ADAP2: variants seen among roughly 807,000 people sequenced by gnomAD.
ADAP2 encodes the protein arf-GAP with dual PH domain-containing protein 2.
Under a neutral mutation model 54.9 loss-of-function variants are expected in ADAP2, and 42 were observed. That is an observed-to-expected ratio of 0.77 (90% CI 0.60 to 0.99). The LOEUF (loss-of-function observed/expected upper bound fraction) is 0.99, where lower values mean the gene tolerates loss of function less well. ADAP2 is among the 50% of genes least tolerant of loss of function. ADAP2 has a pLI of 0.00. For missense variants in ADAP2, 429 were observed against 480.4 expected (o/e 0.89, Z 1.00); for synonymous variants, 177 against 180.1 (o/e 0.98, Z 0.14).
intron 6 of ADAP2, 50 bp downstream of exon 6, chr17:30,945,103 T>A: frequency 6.3e-7 from 1 of 1,598,794 alleles, no homozygotes; most frequent in Non-Finnish European, 8.5e-7. Context: ...ACCCCAGGAC[T>A]TGGCAGGTGC....
rs531253338 is a variant in ADAP2 at position 30,926,979 on chromosome 17, C to T, written c.317+61C>T. The T allele has an allele frequency of 7.2e-4, 951 of 1,322,078 alleles. 18 individuals carry two copies. In the South Asian group the frequency reaches 0.011, roughly 15 times the overall value. The allele number at this position is 1,322,078 out of a possible 1,614,324, so 81.9% of individuals were successfully genotyped here. ...TCTGTCCTGGTTCCACCTCCTCCCC[C>T]TCTCCATCTTTGGTGTCTTCATCTG... On this transcript the variant is annotated intron_variant, in intron 3 of 10. Coordinates refer to ENST00000330889, the MANE Select transcript of ADAP2 (RefSeq NM_018404.3).
rs536132952 is a variant in ADAP2 at position 30,955,688 on chromosome 17, G to A, written c.883-553G>A. Among the ~76,000 whole-genome samples, 14 of 148,798 alleles carry A rather than the reference G, an allele frequency of 9.4e-5. No homozygotes were observed. In the South Asian group the frequency reaches 3.0e-3, roughly 32 times the overall value. On this transcript the variant is annotated intron_variant, in intron 9 of 10. Coordinates refer to ENST00000330889, the MANE Select transcript of ADAP2 (RefSeq NM_018404.3). ...TTGCACTCCAGCCTGGGTGCAGAGT[G>A]AGACTCCGTCTCAAAAAAAAAAAAA...
intron 9 of ADAP2, among the ~76,000 whole-genome samples, chr17:30,955,261 C>T (rs999242216): frequency 6.6e-6 from 1 of 151,592 alleles, no homozygotes; most frequent in Non-Finnish European, 1.5e-5. Context: ...AGGCATGCAT[C>T]ACCATGCCCA....
intron 5 of ADAP2, among the ~76,000 whole-genome samples, chr17:30,943,163 C>T (rs1406339269): frequency 6.6e-6 from 1 of 152,044 alleles, no homozygotes. Flanking sequence ...GTCGGGAGTT[C>T]GAGATCAGCC....
chr17:30,949,310 C>T lies in ADAP2; in HGVS notation c.681C>T (p.Ala227=). 1 of 1,614,178 alleles carries T rather than the reference C, an allele frequency of 6.2e-7. No individual in the cohort carries two copies. The highest frequency in any genetic ancestry group is 1.7e-5 in the Admixed American group (1 of 60,018). The part of the protein sequence containing the change: ...SGKEIVDWFN[A]LRAARLQYLK... Reference sequence around the variant, plus strand: ...AGGAGATAGTGGACTGGTTCAATGCCCTCCGTGCAGCCCGTCTGCAGTACC... The same window carrying T: ...AGGAGATAGTGGACTGGTTCAATGCTCTCCGTGCAGCCCGTCTGCAGTACC... The change falls in exon 7 of 11, where the codon GCC becomes GCT. Residue 227 remains alanine, a synonymous_variant. Transcript: ENST00000330889.
intron 3 of ADAP2, among the ~76,000 whole-genome samples, chr17:30,930,143 C>A (rs1911368282): frequency 6.6e-6 from 1 of 151,964 alleles, no homozygotes; most frequent in Admixed American, 6.6e-5. Flanking sequence ...ACAATCTCAG[C>A]TGACTGCAAC....
chr17:30,956,300 C>A lies in ADAP2; in HGVS notation c.942C>A (p.Tyr314Ter). 3 of 1,614,174 alleles carry A rather than the reference C, an allele frequency of 1.9e-6. No homozygotes were observed. The highest frequency in any genetic ancestry group is 2.5e-6 in the Non-Finnish European group (3 of 1,180,028). ...ACAAGGAGCAGGGATATGAAGCCTA[C>A]GAAGACCTGCCCAAGGGCATCCGAG... ...LGNKEQGYEA[Y>*]EDLPKGIRGN... is the part of the protein sequence containing the mutation. Residue 314 changes from tyrosine (Y) to a stop codon, truncating the protein, a stop_gained, in exon 10 of 11, where the codon TAC becomes TAA. Transcript: ENST00000330889. LOFTEE classifies it high-confidence loss of function.
chr17:30,950,220 A>G (rs188345098), intron 7 of ADAP2, among the ~76,000 whole-genome samples: 4 of 152,334 alleles, frequency 2.6e-5, no homozygotes, highest in Admixed American at 6.5e-5. Context: ...CAGTTGTAAC[A>G]GGAGCAGGTA....
chr17:30,944,799 C>A lies in ADAP2; in HGVS notation c.511-108C>A. The A allele has an allele frequency of 3.5e-6, 4 of 1,148,566 alleles. No homozygotes were observed. In the South Asian group the frequency reaches 4.4e-5, roughly 13 times the overall value. 71.1% of individuals were successfully genotyped at this position (1,148,566 alleles called of 1,614,324 possible). On this transcript the variant is annotated intron_variant, in intron 5 of 10. Coordinates refer to ENST00000330889, the MANE Select transcript of ADAP2 (RefSeq NM_018404.3). ...GATATGAGAGCAAGAACATTTAAAACCCATATATTTACAGATTGATGCTTG... is the reference window on the plus strand; with the variant it reads ...GATATGAGAGCAAGAACATTTAAAAACCATATATTTACAGATTGATGCTTG...
chr17:30,957,756 T>G (rs913741734), intron 10 of ADAP2, 79 bp from the exon 11 acceptor site: 1 of 1,421,894 alleles, frequency 7.0e-7, no homozygotes. Context: ...TTTGTACGCC[T>G]GTCCCTTTGC....
intron 6 of ADAP2, among the ~76,000 whole-genome samples, chr17:30,947,889 C>CT (rs1243472425): frequency 6.6e-6 from 1 of 152,216 alleles, no homozygotes; most frequent in Non-Finnish European, 1.5e-5. Flanking sequence ...AGTCCAGCCT[C>CT]TGTGTTGCTC....
chr17:30,936,897 G>A (rs763445636), intron 5 of ADAP2, among the ~76,000 whole-genome samples: 4 of 152,112 alleles, frequency 2.6e-5, no homozygotes, highest in Non-Finnish European at 4.4e-5. Context: ...AGGATTTTGA[G>A]CTGAGAAGTG....
At chr17:30,954,242 C>A (rs917674546) in intron 8 of ADAP2, 11 of 411,030 alleles carry the variant, frequency 2.7e-5, no homozygotes, top group African/African-American at 7.9e-5. Flanking sequence ...GTTGAGGCAG[C>A]AGGGTGAAGC....
chr17:30,931,018 G>C (rs1911437480), intron 3 of ADAP2, among the ~76,000 whole-genome samples: 4 of 152,162 alleles, frequency 2.6e-5, no homozygotes, highest in Admixed American at 1.3e-4. Context: ...TCACACAGTG[G>C]ATAAATGATA....
At chr17:30,942,494 A>G (rs563067603) in intron 5 of ADAP2, among the ~76,000 whole-genome samples, 35 of 152,336 alleles carry the variant, frequency 2.3e-4, no homozygotes, top group Admixed American at 7.2e-4. Context: ...TTCTAAGCAT[A>G]CGCTGTGACC....
intron 2 of ADAP2, among the ~76,000 whole-genome samples, chr17:30,925,545 C>T (rs532333483): frequency 6.7e-6 from 1 of 148,370 alleles, no homozygotes; most frequent in East Asian, 2.0e-4. Context: ...CTTCTTCCTT[C>T]TTCCTTCTTC....
chr17:30,954,232 G>A (rs777164397), intron 8 of ADAP2: 2 of 392,912 alleles, frequency 5.1e-6, no homozygotes, highest in Non-Finnish European at 9.3e-6. Context: ...CCTCTTCCAA[G>A]TTGAGGCAGC....
intron 6 of ADAP2, among the ~76,000 whole-genome samples, 158 bp from the exon 7 acceptor site, chr17:30,949,129 C>T (rs1904389780): frequency 6.6e-6 from 1 of 152,204 alleles, no homozygotes; most frequent in African/African-American, 2.4e-5. Context: ...CTGACACAAT[C>T]CTCCCTGGAT....
intron 5 of ADAP2, among the ~76,000 whole-genome samples, chr17:30,943,439 TC>T (rs1212408832): frequency 6.6e-6 from 1 of 151,902 alleles, no homozygotes; most frequent in Non-Finnish European, 1.5e-5. Context: ...TGTATTTTCA[TC>T]GCAGCACTAT....
Sources: allele counts gnomAD v4.1 joint callset (sites outside exome capture counted in the v4.1 genomes callset), GRCh38; gene constraint gnomAD v4.1.1; transcripts MANE v1.5; gene names NCBI Gene and HGNC (gene_info 2026-07-23, HGNC 2026-07-21).